The following GADL1 variants were observed in gnomAD, a reference collection of about 807,000 sequenced individuals.
GADL1 encodes the protein GAD like acidic amino acid decarboxylase 1.
GADL1 carries 71 observed loss-of-function variants against 69.5 expected under a neutral mutation model. The observed-to-expected ratio is 1.02, with a 90% confidence interval of 0.84 to 1.25. The LOEUF (loss-of-function observed/expected upper bound fraction) is 1.25. Ranked by LOEUF, GADL1 falls within the 50% of genes most tolerant of loss-of-function variation. GADL1 has a pLI of 0.00. For synonymous variants in GADL1, 254 were observed against 214.4 expected (o/e 1.18, Z -1.62); for missense variants, 737 against 631.8 (o/e 1.17, Z -1.79).
intron 13 of GADL1, chr3:30,778,622 G>A (rs1346588493): frequency 5.9e-6 from 1 of 170,636 alleles, no homozygotes; most frequent in Admixed American, 5.8e-5. Context: ...TGATCCTTAA[G>A]TTATTTGCTA....
intron 14 of GADL1, among the ~76,000 whole-genome samples, chr3:30,759,369 C>G (rs1258133299): frequency 6.6e-6 from 1 of 152,200 alleles, no homozygotes; most frequent in Non-Finnish European, 1.5e-5. Flanking sequence ...TCTGTACCTC[C>G]AGTACTTGTT....
At chr3:30,744,932 C>A (rs973226717) in intron 14 of GADL1, among the ~76,000 whole-genome samples, 2 of 152,086 alleles carry the variant, frequency 1.3e-5, no homozygotes, top group East Asian at 3.9e-4. Flanking sequence ...ACACGAACAG[C>A]GGCGAACGAA....
chr3:30,808,085 A>G (rs1243357080), intron 11 of GADL1, among the ~76,000 whole-genome samples: 1 of 152,154 alleles, frequency 6.6e-6, no homozygotes, highest in Non-Finnish European at 1.5e-5. Flanking sequence ...TGACCCATGT[A>G]AAAGGTCAGT....
chr3:30,795,412 T>C (rs1373187515), intron 12 of GADL1, among the ~76,000 whole-genome samples: 1 of 152,168 alleles, frequency 6.6e-6, no homozygotes, highest in Non-Finnish European at 1.5e-5. Context: ...GAGTCCACTG[T>C]TAAATATTCA....
At chr3:30,826,783 A>G (rs568743547) in intron 11 of GADL1, among the ~76,000 whole-genome samples, 1 of 151,926 alleles carries the variant, frequency 6.6e-6, no homozygotes, top group South Asian at 2.1e-4. Context: ...ATCATTAGAT[A>G]CTAAAACAAA....
intron 14 of GADL1, among the ~76,000 whole-genome samples, chr3:30,753,720 A>T (rs1317190120): frequency 6.6e-6 from 1 of 151,906 alleles, no homozygotes; most frequent in Non-Finnish European, 1.5e-5. Flanking sequence ...CAGTGGGCAC[A>T]AGTACAATAA....
rs1697828366 is a variant in GADL1, at chr3:30,833,775, T to A, written c.1050+78A>T. On this transcript the variant is annotated intron_variant, in intron 11 of 14. Coordinates refer to ENST00000282538, the MANE Select transcript of GADL1 (RefSeq NM_207359.3). The stretch of plus-strand genomic sequence containing the variant: ...ACGCCTCGCCCAAGTCACCAAGAGA[T>A]GAGCAAAAATGAAGCCCTTGGCAAG... The A allele has an allele frequency of 4.2e-6, 4 of 963,706 alleles. No individual in the cohort carries two copies. In the East Asian group the frequency reaches 9.6e-5, roughly 23 times the overall value. The allele number at this position is 963,706 out of a possible 1,614,324, so 59.7% of individuals were successfully genotyped here.
intron 11 of GADL1, among the ~76,000 whole-genome samples, chr3:30,808,194 A>T (rs1235058129): frequency 6.6e-6 from 1 of 150,518 alleles, no homozygotes; most frequent in Non-Finnish European, 1.5e-5. Flanking sequence ...AAAAAGGAAG[A>T]GAGAAGCAAA....
intron 12 of GADL1, among the ~76,000 whole-genome samples, chr3:30,793,802 AG>A (rs1237177270): frequency 7.5e-6 from 1 of 132,550 alleles, no homozygotes; most frequent in Non-Finnish European, 1.6e-5. Context: ...TTACTTCAGC[AG>A]CCGCTTAGCG....
At chr3:30,804,040 C>T (rs1697210018) in intron 11 of GADL1, among the ~76,000 whole-genome samples, 1 of 152,140 alleles carries the variant, frequency 6.6e-6, no homozygotes, top group Admixed American at 6.5e-5. Context: ...GATATTAATT[C>T]AACTCTCCTC....
intron 14 of GADL1, among the ~76,000 whole-genome samples, chr3:30,755,043 C>T (rs1285727821): frequency 6.6e-6 from 1 of 152,138 alleles, no homozygotes; most frequent in East Asian, 1.9e-4. Context: ...ATTGTTTGAT[C>T]TAGCAAGATA....
chr3:30,777,992 C>T (rs1696575240), intron 14 of GADL1, among the ~76,000 whole-genome samples, 187 bp downstream of exon 14: 1 of 152,122 alleles, frequency 6.6e-6, no homozygotes, highest in Non-Finnish European at 1.5e-5. Context: ...TGTGTGTCAA[C>T]CATGTTAATT....
intron 1 of GADL1, among the ~76,000 whole-genome samples, chr3:30,863,928 C>G (rs1698358737): frequency 6.6e-6 from 1 of 152,014 alleles, no homozygotes; most frequent in Non-Finnish European, 1.5e-5. Context: ...GGAAGATCCC[C>G]CAGTTGGGGA....
At chr3:30,753,330 G>A (rs1695879876) in intron 14 of GADL1, among the ~76,000 whole-genome samples, 1 of 152,094 alleles carries the variant, frequency 6.6e-6, no homozygotes, top group Non-Finnish European at 1.5e-5. Context: ...TCAAAACCAT[G>A]TATTTTGAAT....
intron 12 of GADL1, 117 bp from the exon 13 acceptor site, chr3:30,786,523 G>A (rs1426077189): frequency 1.5e-6 from 1 of 665,232 alleles, no homozygotes; most frequent in African/African-American, 1.8e-5. Context: ...TACAGATAAA[G>A]GTCAAGGAAC....
chr3:30,836,610 A>T (rs1385658676), intron 9 of GADL1, among the ~76,000 whole-genome samples: 2 of 152,114 alleles, frequency 1.3e-5, no homozygotes, highest in Non-Finnish European at 2.9e-5. Flanking sequence ...ATTAGTTAAT[A>T]AATTAATAGT....
Position 30,786,354 on chromosome 3 carries a change from C to A in GADL1, c.1302+1G>T. 6.4e-7 allele frequency: 1 copy of A among 1,552,590 alleles called. No individual in the cohort carries two copies. Among genetic ancestry groups the A allele is most frequent in the South Asian group, 1.1e-5 (1 of 89,590 alleles). On this transcript the variant is annotated splice_donor_variant, in intron 13 of 14. Coordinates refer to ENST00000282538, the MANE Select transcript of GADL1 (RefSeq NM_207359.3). LOFTEE classifies it high-confidence loss of function. ...ACAAGCACAATTATGCAATCACTTA[C>A]TTCCATCAGTAACTTGAATCCTTCT...
chr3:30,751,301 A>G (rs1042389612), intron 14 of GADL1, among the ~76,000 whole-genome samples: 2 of 152,058 alleles, frequency 1.3e-5, no homozygotes, highest in African/African-American at 2.4e-5. Context: ...TTTTGGCTTT[A>G]TAAAGCCCTG....
At chr3:30,774,952 A>G (rs1440177052) in intron 14 of GADL1, among the ~76,000 whole-genome samples, 2 of 152,162 alleles carry the variant, frequency 1.3e-5, no homozygotes, top group Admixed American at 6.5e-5. Flanking sequence ...AGATGGCAGG[A>G]GGCAGAGAGA....
Sources: gnomAD v4.1 joint callset for allele counts (sites outside exome capture counted in the v4.1 genomes callset) on GRCh38, gnomAD v4.1.1 for gene constraint, MANE v1.5 for transcripts, NCBI Gene and HGNC (gene_info 2026-07-23, HGNC 2026-07-21) for gene names.